The following PRKD1 variants were observed in gnomAD, a reference collection of about 807,000 sequenced individuals.
The protein encoded by PRKD1 is serine/threonine-protein kinase D1.
Under a neutral mutation model 95.9 loss-of-function variants are expected in PRKD1, and 63 were observed. That is an observed-to-expected ratio of 0.66 (90% CI 0.54 to 0.81). PRKD1 has a LOEUF of 0.81. Ranked by LOEUF, PRKD1 falls within the 30% of genes least tolerant of loss-of-function variation. The pLI is 0.00. For synonymous variants in PRKD1, 425 were observed against 423.1 expected, an observed-to-expected ratio of 1.00 and a Z score of -0.05; for missense variants, 1,048 against 1,165.3, an observed-to-expected ratio of 0.90 and a Z score of 1.47.
At chr14:29,873,887 T>C (rs1370186387) in intron 1 of PRKD1, among the ~76,000 whole-genome samples, 1 of 152,116 alleles carries the variant, frequency 6.6e-6, no homozygotes, top group Non-Finnish European at 1.5e-5. Flanking sequence ...TGCACTGGAA[T>C]ATGTGGCCAA....
chr14:29,811,675 TG>T (rs1890490871), intron 1 of PRKD1, among the ~76,000 whole-genome samples: 1 of 152,208 alleles, frequency 6.6e-6, no homozygotes, highest in Non-Finnish European at 1.5e-5. Flanking sequence ...GAGGCCAGGT[TG>T]GGCTTGGGGT....
intron 1 of PRKD1, among the ~76,000 whole-genome samples, chr14:29,851,955 T>C (rs1892325269): frequency 6.6e-6 from 1 of 152,120 alleles, no homozygotes; most frequent in African/African-American, 2.4e-5. Context: ...TTGGAAGCCA[T>C]TATCCTACAC....
At chr14:29,700,860 C>A (rs1884790020) in intron 2 of PRKD1, among the ~76,000 whole-genome samples, 1 of 152,074 alleles carries the variant, frequency 6.6e-6, no homozygotes. Flanking sequence ...TCTCTGCTAC[C>A]CTATCCTACA....
intron 4 of PRKD1, among the ~76,000 whole-genome samples, chr14:29,654,092 T>A (rs185083334): frequency 0.041 from 6,258 of 152,042 alleles, 393 homozygotes; most frequent in African/African-American, 0.14. Flanking sequence ...ATTTTTTTTT[T>A]TAAAAAAGCA....
In PRKD1 at chr14:29,787,048, A is replaced by G. The variant is rs376081245; in HGVS notation, c.265-61374T>C. On this transcript the variant is annotated intron_variant, in intron 1 of 17. Transcript: ENST00000331968. Reference sequence around the variant, plus strand: ...TGTTCTTCAATTTTCATTTGTTCCGAGACGTTTTTAAATTTCCTTCTTTAT... The same window carrying G: ...TGTTCTTCAATTTTCATTTGTTCCGGGACGTTTTTAAATTTCCTTCTTTAT... Among the ~76,000 whole-genome samples the G allele has an allele frequency of 2.6e-3, 399 of 151,908 alleles. 1 individual carries two copies. Among genetic ancestry groups the G allele is most frequent in the African/African-American group, 9.3e-3 (385 of 41,474 alleles).
intron 1 of PRKD1, among the ~76,000 whole-genome samples, chr14:29,789,868 C>T (rs1224532731): frequency 6.6e-6 from 1 of 152,132 alleles, no homozygotes; most frequent in Non-Finnish European, 1.5e-5. Context: ...GACCTGTCTT[C>T]AGGCTCCCTG....
rs530612991 is a variant in PRKD1, at chr14:29,815,539, C to G, written c.265-89865G>C. On this transcript the variant is annotated intron_variant, in intron 1 of 17. Coordinates refer to ENST00000331968, the MANE Select transcript of PRKD1 (RefSeq NM_002742.3). ...ATAGTAGTCTAACCGTTATAAGATC[C>G]TGGAACAATTTACAGTACTATGCAA... Among the ~76,000 whole-genome samples the G allele has an allele frequency of 5.3e-5, 8 of 152,286 alleles. No homozygotes were observed. In the East Asian group the frequency reaches 1.5e-3, roughly 29 times the overall value.
rs969952487 is a variant in PRKD1, at chr14:29,676,050, G to A, written c.404-9842C>T. ...TGTAAATGACGCGTTAATGGGTGCA[G>A]CACACCAACATGGCATATGTAACAA... is the stretch of plus-strand genomic sequence containing the variant. On this transcript the variant is annotated intron_variant, in intron 2 of 17. Transcript: ENST00000331968. Among the ~76,000 whole-genome samples, 16 of 151,718 alleles carry A rather than the reference G, an allele frequency of 1.1e-4. No homozygotes were observed. In the South Asian group the frequency reaches 3.1e-3, roughly 30 times the overall value.
rs762472860 is a variant in PRKD1, at chr14:29,763,823, A to G, written c.265-38149T>C. Among the ~76,000 whole-genome samples, 23 of 152,116 alleles carry G rather than the reference A, an allele frequency of 1.5e-4. 1 individual carries two copies. Among genetic ancestry groups the G allele is most frequent in the Non-Finnish European group, 3.1e-4 (21 of 68,010 alleles). On this transcript the variant is annotated intron_variant, in intron 1 of 17. Transcript: ENST00000331968. ...TTTCCTGTGGTCTGTGAATCTACAC[A>G]GAGTTCAGAACTAGCCGCAGCAGCT...
Position 29,919,966 on chromosome 14 carries a change from AAGAG to A in PRKD1, c.264+7279_264+7282del, listed in dbSNP as rs149379765. Among the ~76,000 whole-genome samples the A allele has an allele frequency of 1.6e-3, 218 of 140,326 alleles. 1 individual carries two copies. The highest frequency in any genetic ancestry group is 5.9e-3 in the African/African-American group (205 of 34,880). The allele number at this position is 140,326 out of a possible 152,430, so 92.1% of individuals were successfully genotyped here. A position where few individuals can be genotyped will look rare whatever the true frequency, so the allele number is the denominator to read the frequency against. ...GAGTGACTAAAGTGAGACCCTGAGAAAGAGAGAGAGAGAGAGAGAAAGAGAGGAA... is the reference window on the plus strand; with the variant it reads ...GAGTGACTAAAGTGAGACCCTGAGAAAGAGAGAGAGAGAGAAAGAGAGGAA... On this transcript the variant is annotated intron_variant, in intron 1 of 17. Transcript: ENST00000331968.
intron 1 of PRKD1, among the ~76,000 whole-genome samples, chr14:29,743,640 C>G (rs1469357625): frequency 1.3e-5 from 2 of 152,166 alleles, no homozygotes; most frequent in African/African-American, 4.8e-5. Flanking sequence ...CAGATTCCAC[C>G]CCATTTATAG....
At chr14:29,652,312 A>C (rs1213286832) in intron 4 of PRKD1, among the ~76,000 whole-genome samples, 1 of 152,152 alleles carries the variant, frequency 6.6e-6, no homozygotes, top group Non-Finnish European at 1.5e-5. Flanking sequence ...TATATTAGTA[A>C]GTGTGAGGCA....
chr14:29,880,158 C>A (rs1357262687), intron 1 of PRKD1, among the ~76,000 whole-genome samples: 1 of 152,178 alleles, frequency 6.6e-6, no homozygotes, highest in Non-Finnish European at 1.5e-5. Context: ...ATGTCAGAGA[C>A]CTTCATGGCA....
At chr14:29,673,936 G>T in intron 2 of PRKD1, among the ~76,000 whole-genome samples, 1 of 152,100 alleles carries the variant, frequency 6.6e-6, no homozygotes, top group East Asian at 1.9e-4. Flanking sequence ...ATGACCTGGG[G>T]GAAGTTACTT....
At chr14:29,770,251 T>C (rs982810663) in intron 1 of PRKD1, among the ~76,000 whole-genome samples, 6 of 152,192 alleles carry the variant, frequency 3.9e-5, no homozygotes, top group South Asian at 4.1e-4. Context: ...AATACAGATA[T>C]TGGTACCAAG....
chr14:29,685,818 T>A (rs1034875267), intron 2 of PRKD1, among the ~76,000 whole-genome samples: 1 of 152,100 alleles, frequency 6.6e-6, no homozygotes, highest in Non-Finnish European at 1.5e-5. Flanking sequence ...ATGTTTATGC[T>A]TAGGAAAAAA....
chr14:29,822,974 G>C (rs1450716256), intron 1 of PRKD1, among the ~76,000 whole-genome samples: 1 of 152,112 alleles, frequency 6.6e-6, no homozygotes, highest in Non-Finnish European at 1.5e-5. Flanking sequence ...ATTAACAAAA[G>C]ATGGATTGAA....
At chr14:29,641,032 A>C (rs1184510983) in intron 4 of PRKD1, among the ~76,000 whole-genome samples, 4 of 152,036 alleles carry the variant, frequency 2.6e-5, no homozygotes, top group African/African-American at 9.7e-5. Flanking sequence ...TATTTTTGAG[A>C]GGTTATTTCA....
At chr14:29,612,462 A>T (rs1402439759) in intron 13 of PRKD1, among the ~76,000 whole-genome samples, 1 of 152,136 alleles carries the variant, frequency 6.6e-6, no homozygotes, top group Non-Finnish European at 1.5e-5. Context: ...TATAGGAGTT[A>T]ATTTAGTCCC....
Sources: allele counts gnomAD v4.1 joint callset (sites outside exome capture counted in the v4.1 genomes callset), GRCh38; gene constraint gnomAD v4.1.1; transcripts MANE v1.5; gene names NCBI Gene and HGNC (gene_info 2026-07-23, HGNC 2026-07-21).